Variants in TMEM94 observed in about 807,000 individuals in gnomAD.
TMEM94 encodes ER Mg2+ ATPase.
In TMEM94, 81 loss-of-function variants were observed where a neutral mutation model predicts 158.6. The observed-to-expected ratio is 0.51, with a 90% CI of 0.43 to 0.61. The LOEUF is 0.61. TMEM94 is among the 20% of genes least tolerant of loss of function. The pLI, the probability that TMEM94 is intolerant of heterozygous loss-of-function variation, is 0.00. For missense variants in TMEM94, 1,435 were observed against 1,762.0 expected (o/e 0.81, Z 3.32); for synonymous variants, 751 against 730.7 (o/e 1.03, Z -0.45).
chr17:75,458,008 G>A (rs2049946817), intron 1 of TMEM94, among the ~76,000 whole-genome samples: 2 of 152,160 alleles, frequency 1.3e-5, no homozygotes, highest in Admixed American at 6.5e-5. Flanking sequence ...TTTGCATTCA[G>A]TAATTTTAAG....
At position 75,497,763 on chromosome 17, in the gene TMEM94, C is replaced by A; in HGVS notation, c.3408-18C>A. The stretch of plus-strand genomic sequence containing the variant: ...AGGGTCATTGTCACCATCCCTCTAC[C>A]TGATCTCTGCTTTTCAGCATCTCTC... On this transcript the variant is annotated intron_variant, in intron 26 of 31. Coordinates refer to ENST00000314256, the MANE Select transcript of TMEM94 (RefSeq NM_014738.6). 1 of 1,603,770 alleles carries A rather than the reference C, an allele frequency of 6.2e-7. No individual in the cohort carries two copies.
At chr17:75,486,100 C>A in intron 4 of TMEM94, 102 bp downstream of exon 4, 3 of 1,456,230 alleles carry the variant, frequency 2.1e-6, no homozygotes, top group South Asian at 2.7e-5. Flanking sequence ...CACCCCCAAG[C>A]TGCTCCTGGG....
Position 75,495,997 on chromosome 17 carries a change from G to A in TMEM94, c.2976G>A (p.Glu992=), listed in dbSNP as rs762537146. 2 of 1,613,538 alleles carry A rather than the reference G, an allele frequency of 1.2e-6. No individual in the cohort carries two copies. The highest frequency in any genetic ancestry group is 2.2e-5 in the South Asian group (2 of 91,078). ...GTGAGATGATAAAGATCATGCAAGA[G>A]TACGGGGAGGTGACCTGCTGCCTGG... ...TMCEMIKIMQ[E]YGEVTCCLGS... Residue 992 remains glutamate, a synonymous_variant, in exon 23 of 32, where the codon GAG becomes GAA. Coordinates refer to ENST00000314256, the MANE Select transcript of TMEM94 (RefSeq NM_014738.6). This position sits in a 1 kb window ranked among gnomAD's most constrained non-coding sequence, Gnocchi z 5.6.
rs763285358 is a variant in TMEM94, at chr17:75,498,604, C to G, written c.3734-25C>G. The stretch of plus-strand genomic sequence containing the variant: ...AGGAGCCCCACTGTGGAAGTCTGAC[C>G]CCCACATCGCCCCACCTTCCCCAGT... On this transcript the variant is annotated intron_variant, in intron 29 of 31. Coordinates refer to ENST00000314256, the MANE Select transcript of TMEM94 (RefSeq NM_014738.6). This position sits in a 1 kb window ranked among gnomAD's most constrained non-coding sequence, Gnocchi z 6.7. The G allele has an allele frequency of 3.1e-6, 5 of 1,612,398 alleles. No individual in the cohort carries two copies. In the South Asian group the frequency reaches 4.4e-5, roughly 14 times the overall value.
chr17:75,488,994 A>G, intron 7 of TMEM94, 84 bp downstream of exon 7: 1 of 1,428,638 alleles, frequency 7.0e-7, no homozygotes, highest in Non-Finnish European at 9.5e-7. Context: ...GGCCCCGTTC[A>G]TCTCGAGGTT....
Position 75,488,024 on chromosome 17 carries a change from G to A in TMEM94, c.502G>A (p.Ala168Thr), listed in dbSNP as rs755060661. Residue 168 changes from alanine (A) to threonine (T), a missense_variant, in exon 6 of 32, where the codon GCC becomes ACC. Physicochemically the swap from Ala to Thr is moderately conservative, Grantham distance 58. This residue lies in a region of TMEM94 where 1,051 missense variants were observed against 1,254.4 expected (regional missense o/e 0.84). Coordinates refer to ENST00000314256, the MANE Select transcript of TMEM94 (RefSeq NM_014738.6). Reference protein sequence around the residue: ...PFAPSWSLHWAYRDGHLVNLP... With the variant: ...PFAPSWSLHWTYRDGHLVNLP... ...TGCGCCATCCTGGTCCTTGCACTGG[G>A]CCTACAGAGACGGACACCTGGTCAA... 3 of 1,614,066 alleles carry A rather than the reference G, an allele frequency of 1.9e-6. No individual in the cohort carries two copies. In the African/African-American group the frequency reaches 4.0e-5, roughly 22 times the overall value.
rs1237435314 is a variant in TMEM94, at chr17:75,498,558, G to T, written c.3733+20G>T. The T allele has an allele frequency of 6.2e-7, 1 of 1,612,310 alleles. No homozygotes were observed. Among genetic ancestry groups the T allele is most frequent in the African/African-American group, 1.3e-5 (1 of 74,918 alleles). On this transcript the variant is annotated intron_variant, in intron 29 of 31. Transcript: ENST00000314256. This position sits in a 1 kb window ranked among gnomAD's most constrained non-coding sequence, Gnocchi z 6.7. The stretch of plus-strand genomic sequence containing the variant: ...ACACTGGTGAGAGGGCTCCCTGGGA[G>T]GGCGTGGATGATGGTGGGAGAGGAG...
At position 75,489,653 on chromosome 17, in the gene TMEM94, C is replaced by T; in HGVS notation, c.945C>T (p.Leu315=). The stretch of plus-strand genomic sequence containing the variant: ...TCACTTCCTGGCAGTACACCCTCCT[C>T]CAGCTCCAGGCAAGGACCACCCTGT... The part of the protein sequence containing the change: ...PGVTSWQYTL[L]QLQVNGVLPI... Residue 315 remains leucine, a synonymous_variant, in exon 9 of 32, where the codon CTC becomes CTT. Coordinates refer to ENST00000314256, the MANE Select transcript of TMEM94 (RefSeq NM_014738.6). The surrounding 1 kb of genome is among the most constrained non-coding windows in gnomAD (Gnocchi z 5.0). 6.2e-7 allele frequency: 1 copy of T among 1,613,590 alleles called. No homozygotes were observed. Among genetic ancestry groups the T allele is most frequent in the Non-Finnish European group, 8.5e-7 (1 of 1,179,620 alleles).
chr17:75,457,073 G>T (rs1310876355), intron 1 of TMEM94, among the ~76,000 whole-genome samples: 4 of 152,142 alleles, frequency 2.6e-5, no homozygotes, highest in Non-Finnish European at 5.9e-5. Context: ...TGGCCCAGAG[G>T]GCTCCCAACG....
intron 1 of TMEM94, chr17:75,459,792 TTTC>T (rs1368409969): frequency 6.6e-6 from 1 of 152,158 alleles, no homozygotes; most frequent in Non-Finnish European, 1.5e-5. Context: ...TGTGTCAATA[TTTC>T]TTATCTTACT....
intron 2 of TMEM94, chr17:75,476,444 G>C: frequency 2.3e-6 from 3 of 1,277,754 alleles, no homozygotes; most frequent in South Asian, 3.6e-5. Context: ...CGCCCTTCCA[G>C]GGCTGCTGCC....
At chr17:75,463,268 C>T (rs1398745382) in intron 1 of TMEM94, among the ~76,000 whole-genome samples, 1 of 148,406 alleles carries the variant, frequency 6.7e-6, no homozygotes, top group Non-Finnish European at 1.5e-5. Flanking sequence ...ATCCTAGTTC[C>T]TGTTTTGGGG....
chr17:75,497,213 A>G lies in TMEM94; in HGVS notation c.3407+15A>G, dbSNP rs1408357971. 1.2e-6 allele frequency: 2 copies of G among 1,604,296 alleles called. No homozygotes were observed. Among genetic ancestry groups the G allele is most frequent in the Non-Finnish European group, 1.7e-6 (2 of 1,171,626 alleles). The stretch of plus-strand genomic sequence containing the variant: ...CCTCTGCTCAGGTGAGATGCCATGT[A>G]TCTTCCCCACACCCCATGCCTAAGC... On this transcript the variant is annotated intron_variant, in intron 26 of 31. Coordinates refer to ENST00000314256, the MANE Select transcript of TMEM94 (RefSeq NM_014738.6).
rs2052908080 is a variant in TMEM94, at chr17:75,498,082, C to G, written c.3490-93C>G. On this transcript the variant is annotated intron_variant, in intron 27 of 31. Coordinates refer to ENST00000314256, the MANE Select transcript of TMEM94 (RefSeq NM_014738.6). This position sits in a 1 kb window ranked among gnomAD's most constrained non-coding sequence, Gnocchi z 6.7. ...AGCTCCCTATCCCCCCAGGCCTGAC[C>G]ATTTACTAAGAGCCCGTTGAATACG... 6.5e-7 allele frequency: 1 copy of G among 1,537,436 alleles called. No individual in the cohort carries two copies. The highest frequency in any genetic ancestry group is 8.9e-7 in the Non-Finnish European group (1 of 1,126,494).
At chr17:75,493,138 A>AC (rs1353012950) in intron 16 of TMEM94, 36 bp downstream of exon 16, 5 of 1,599,948 alleles carry the variant, frequency 3.1e-6, no homozygotes, top group Non-Finnish European at 4.3e-6. Flanking sequence ...ACCAGGCGAG[A>AC]CCTTCCAGAG....
rs758052288 is a variant in TMEM94 at position 75,489,711 on chromosome 17, GC to G, written c.954+50del. ...GTCATGCTTCCCTCCGACCCGCAGG[GC>G]TGGCTCTTCTCCTAGTACCCTGGCT... On this transcript the variant is annotated intron_variant, in intron 9 of 31. Transcript: ENST00000314256. The surrounding 1 kb of genome is among the most constrained non-coding windows in gnomAD (Gnocchi z 5.0). 1 of 1,501,382 alleles carries G rather than the reference GC, an allele frequency of 6.7e-7. No individual in the cohort carries two copies. Among genetic ancestry groups the G allele is most frequent in the South Asian group, 1.1e-5 (1 of 88,514 alleles). 93.0% of individuals were successfully genotyped at this position (1,501,382 alleles called of 1,614,324 possible).
At chr17:75,497,219 C>A in intron 26 of TMEM94, 21 bp downstream of exon 26, 1 of 1,595,274 alleles carries the variant, frequency 6.3e-7, no homozygotes, top group Non-Finnish European at 8.6e-7. Flanking sequence ...ATGTATCTTC[C>A]CCACACCCCA....
intron 1 of TMEM94, among the ~76,000 whole-genome samples, chr17:75,463,116 G>GTA (rs1399232428): frequency 1.2e-3 from 11 of 9,238 alleles, no homozygotes; most frequent in East Asian, 0.01. Flanking sequence ...GTATATATAT[G>GTA]TATATATATA....
intron 2 of TMEM94, among the ~76,000 whole-genome samples, chr17:75,479,402 C>T (rs1384237248): frequency 1.3e-5 from 2 of 152,112 alleles, no homozygotes; most frequent in Non-Finnish European, 2.9e-5. Context: ...TCACTGCAAC[C>T]GCCGCCTCCT....
Sources: allele counts gnomAD v4.1 joint callset (sites outside exome capture counted in the v4.1 genomes callset), GRCh38; gene constraint gnomAD v4.1.1; regional missense constraint gnomAD v4.1.1; non-coding constraint Gnocchi (gnomAD v3.1); transcripts MANE v1.5; gene names NCBI Gene and HGNC (gene_info 2026-07-23, HGNC 2026-07-21).